The following GRID2 variants were observed in gnomAD, a reference collection of about 807,000 sequenced individuals.
The protein encoded by GRID2 is glutamate receptor ionotropic, delta-2.
A neutral mutation model predicts 114.8 loss-of-function variants in GRID2; 33 were observed. The ratio of observed to expected loss-of-function variants is 0.29; its 90% CI spans 0.22 to 0.38. GRID2 has a LOEUF of 0.38. Ranked by LOEUF, GRID2 falls within the 10% of genes least tolerant of loss-of-function variation. The pLI is 1.00. For missense variants in GRID2, 1,184 were observed against 1,257.7 expected, an observed-to-expected ratio of 0.94 and a Z score of 0.89; for synonymous variants, 505 against 449.9, an observed-to-expected ratio of 1.12 and a Z score of -1.55.
At chr4:93,048,955 G>A (rs2058479263) in intron 2 of GRID2, among the ~76,000 whole-genome samples, 1 of 152,042 alleles carries the variant, frequency 6.6e-6, no homozygotes, top group Admixed American at 6.6e-5. Context: ...TGGCCCCTGG[G>A]TTTATTAAAA....
chr4:93,375,087 T>A (rs1178140957), intron 8 of GRID2, among the ~76,000 whole-genome samples: 1 of 152,126 alleles, frequency 6.6e-6, no homozygotes, highest in Non-Finnish European at 1.5e-5. Flanking sequence ...AAGAGCTGAA[T>A]TTCATAAACC....
chr4:92,706,598 G>A (rs1211623143), intron 2 of GRID2, among the ~76,000 whole-genome samples: 1 of 152,142 alleles, frequency 6.6e-6, no homozygotes, highest in Non-Finnish European at 1.5e-5. Flanking sequence ...TTATCACAAT[G>A]TGGAGGGTGC....
intron 2 of GRID2, among the ~76,000 whole-genome samples, chr4:92,742,168 C>A (rs1206829627): frequency 1.3e-5 from 2 of 151,976 alleles, no homozygotes; most frequent in Admixed American, 6.6e-5. Flanking sequence ...ATAGTGACTT[C>A]TTTCTTAATG....
intron 1 of GRID2, among the ~76,000 whole-genome samples, chr4:92,568,937 T>C (rs889474014): frequency 6.6e-6 from 1 of 152,024 alleles, no homozygotes; most frequent in Non-Finnish European, 1.5e-5. Flanking sequence ...TATTCCATGA[T>C]GTATATGTAC....
chr4:93,187,204 C>G (rs1190815456), intron 4 of GRID2, among the ~76,000 whole-genome samples: 1 of 152,178 alleles, frequency 6.6e-6, no homozygotes, highest in Non-Finnish European at 1.5e-5. Context: ...TATTCTACTC[C>G]TGGCCCTCCA....
chr4:92,654,095 C>T lies in GRID2; in HGVS notation c.244+63809C>T, dbSNP rs1356269393. 3.3e-5 allele frequency among the ~76,000 whole-genome samples: 5 copies of T among 151,988 alleles called. No individual in the cohort carries two copies. The East Asian group carries it at 9.6e-4, about 29-fold the overall frequency. On this transcript the variant is annotated intron_variant, in intron 2 of 15. Transcript: ENST00000282020. ...GGTAAATGCTGTATGTTTTAGTGAT[C>T]TTGGGTGGCTATAACAAAACACCAC... is the stretch of plus-strand genomic sequence containing the variant.
At chr4:93,016,056 T>C (rs1722671741) in intron 2 of GRID2, among the ~76,000 whole-genome samples, 1 of 112,348 alleles carries the variant, frequency 8.9e-6, no homozygotes, top group African/African-American at 3.7e-5. Flanking sequence ...GGGAAGTGTG[T>C]GTGTGAGTGT....
intron 1 of GRID2, among the ~76,000 whole-genome samples, chr4:93,785,082 G>T (rs960368518): frequency 6.6e-6 from 1 of 152,148 alleles, no homozygotes; most frequent in African/African-American, 2.4e-5. Flanking sequence ...AAGTCACCGT[G>T]GAGGGTAACA....
At chr4:93,645,721 A>G (rs956154965) in intron 14 of GRID2, among the ~76,000 whole-genome samples, 2 of 152,146 alleles carry the variant, frequency 1.3e-5, no homozygotes, top group African/African-American at 2.4e-5. Context: ...TAAGGCTTCT[A>G]TAGAAAATTC....
chr4:92,479,434 A>G (rs559341722), intron 1 of GRID2, among the ~76,000 whole-genome samples: 18 of 152,228 alleles, frequency 1.2e-4, no homozygotes, highest in Non-Finnish European at 2.1e-4. Flanking sequence ...AGTTTTACAA[A>G]ATGTGTTTAT....
At chr4:92,608,455 A>G (rs1729567743) in intron 2 of GRID2, among the ~76,000 whole-genome samples, 1 of 151,856 alleles carries the variant, frequency 6.6e-6, no homozygotes, top group Admixed American at 6.6e-5. Flanking sequence ...TTTTAAAATA[A>G]TTATTCTACA....
intron 8 of GRID2, among the ~76,000 whole-genome samples, chr4:93,335,120 C>T (rs779857560): frequency 9.9e-5 from 15 of 152,036 alleles, no homozygotes; most frequent in Non-Finnish European, 1.8e-4. Flanking sequence ...TGATGTCATT[C>T]ACTAGATTTA....
intron 4 of GRID2, among the ~76,000 whole-genome samples, chr4:93,122,890 G>C (rs941840995): frequency 2.9e-5 from 2 of 69,794 alleles, no homozygotes; most frequent in Admixed American, 2.2e-4. Flanking sequence ...ACAGATGTGG[G>C]TTTTTTTTTT....
At chr4:92,632,029 TAATG>T (rs939046448) in intron 2 of GRID2, among the ~76,000 whole-genome samples, 3 of 152,120 alleles carry the variant, frequency 2.0e-5, no homozygotes, top group Non-Finnish European at 4.4e-5. Flanking sequence ...TAATTAGAAA[TAATG>T]AATGCTTTGT....
chr4:92,486,048 C>T (rs2149109195), intron 1 of GRID2, among the ~76,000 whole-genome samples: 1 of 151,562 alleles, frequency 6.6e-6, no homozygotes, highest in South Asian at 2.1e-4. Context: ...ATTAGATTAC[C>T]TGACCTCTGG....
At chr4:92,445,062 A>G (rs929738245) in intron 1 of GRID2, among the ~76,000 whole-genome samples, 1 of 152,136 alleles carries the variant, frequency 6.6e-6, no homozygotes, top group Non-Finnish European at 1.5e-5. Context: ...ATGATCACTC[A>G]TCATCTAGTA....
At chr4:92,782,889 G>A (rs781046879) in intron 2 of GRID2, among the ~76,000 whole-genome samples, 13 of 151,928 alleles carry the variant, frequency 8.6e-5, no homozygotes, top group Non-Finnish European at 1.8e-4. Context: ...GGCTACTTAA[G>A]GAAATTTTAT....
intron 1 of GRID2, among the ~76,000 whole-genome samples, chr4:93,799,651 T>C (rs185558027): frequency 2.0e-5 from 3 of 152,318 alleles, no homozygotes; most frequent in Admixed American, 2.0e-4. Flanking sequence ...AGAGACTATG[T>C]GGTTATCTGG....
chr4:93,496,234 T>G (rs1727533791), intron 12 of GRID2, among the ~76,000 whole-genome samples: 1 of 151,800 alleles, frequency 6.6e-6, no homozygotes, highest in Admixed American at 6.6e-5. Context: ...CTGTTAATAT[T>G]TGGACAAACT....
Sources: allele counts gnomAD v4.1 joint callset (sites outside exome capture counted in the v4.1 genomes callset), GRCh38; gene constraint gnomAD v4.1.1; transcripts MANE v1.5; gene names NCBI Gene and HGNC (gene_info 2026-07-23, HGNC 2026-07-21).